CFAP58: variants seen among roughly 807,000 people sequenced by gnomAD.
CFAP58 encodes cilia- and flagella-associated protein 58.
Under a neutral mutation model 119.5 loss-of-function variants are expected in CFAP58, and 88 were observed. The ratio of observed to expected loss-of-function variants is 0.74; its 90% CI spans 0.62 to 0.88. CFAP58 has a LOEUF of 0.88. CFAP58 is among the 40% of genes least tolerant of loss of function. The pLI is 0.00. For synonymous variants in CFAP58, 365 were observed against 366.3 expected (o/e 1.00, Z 0.04); for missense variants, 990 against 1,021.2 (o/e 0.97, Z 0.42).
At position 104,366,000 on chromosome 10, in the gene CFAP58, G is replaced by T; in HGVS notation, c.784G>T (p.Glu262Ter). Reference protein sequence around the residue: ...ELQKLEQQLKEQKILNERAAK... With the variant: ...ELQKLEQQLK Reference sequence around the variant, plus strand: ...TCAGAAGCTGGAGCAGCAGCTGAAGGAGCAGAAGGTGAGTTGGGTGTGGGT... The same window carrying T: ...TCAGAAGCTGGAGCAGCAGCTGAAGTAGCAGAAGGTGAGTTGGGTGTGGGT... Residue 262 changes from glutamate (E) to a stop codon, truncating the protein, a stop_gained, in exon 5 of 18, where the codon GAG (glutamate) becomes TAG (stop). Transcript: ENST00000369704. LOFTEE classifies it high-confidence loss of function. 2 of 1,598,666 alleles carry T rather than the reference G, an allele frequency of 1.3e-6. No homozygotes were observed. Among genetic ancestry groups the T allele is most frequent in the South Asian group, 2.3e-5 (2 of 88,314 alleles).
At chr10:104,404,300 C>T (rs2012320269) in intron 14 of CFAP58, among the ~76,000 whole-genome samples, 1 of 152,190 alleles carries the variant, frequency 6.6e-6, no homozygotes, top group Non-Finnish European at 1.5e-5. Context: ...TTGCGTTAGC[C>T]AAGCCCTTTC....
intron 9 of CFAP58, among the ~76,000 whole-genome samples, chr10:104,386,018 T>C (rs367953636): frequency 1.8e-3 from 266 of 151,994 alleles, no homozygotes; most frequent in African/African-American, 6.1e-3. Flanking sequence ...GTGGTTATCT[T>C]TGGGTGATAA....
At chr10:104,350,167 T>G (rs2014443775), upstream of CFAP58, among the ~76,000 whole-genome samples, 1 of 152,252 alleles carries the variant, frequency 6.6e-6, no homozygotes, top group East Asian at 1.9e-4. Flanking sequence ...CAACTCCTTT[T>G]GTATTCTCTC....
intron 1 of CFAP58, among the ~76,000 whole-genome samples, chr10:104,356,320 T>A (rs2014542230): frequency 6.6e-6 from 1 of 152,234 alleles, no homozygotes; most frequent in South Asian, 2.1e-4. Context: ...TTTTCCATAT[T>A]GGGCAAGACG....
intron 11 of CFAP58, among the ~76,000 whole-genome samples, chr10:104,394,709 G>T (rs1277476531): frequency 6.6e-6 from 1 of 152,136 alleles, no homozygotes; most frequent in African/African-American, 2.4e-5. Flanking sequence ...TCTAGCTTAT[G>T]ACAGAAAAAG....
chr10:104,390,108 C>G (rs1400301082), intron 9 of CFAP58, among the ~76,000 whole-genome samples: 1 of 152,106 alleles, frequency 6.6e-6, no homozygotes, highest in East Asian at 1.9e-4. Context: ...TCTTTTGAGC[C>G]AGCTATTCTA....
chr10:104,439,973 C>T (rs1156556064), intron 15 of CFAP58, among the ~76,000 whole-genome samples: 3 of 152,162 alleles, frequency 2.0e-5, no homozygotes, highest in Non-Finnish European at 4.4e-5. Context: ...GCGCCCGCCA[C>T]CAGGCCCGGC....
chr10:104,394,605 C>T (rs1271316898), intron 11 of CFAP58, among the ~76,000 whole-genome samples: 1 of 152,082 alleles, frequency 6.6e-6, no homozygotes, highest in Non-Finnish European at 1.5e-5. Flanking sequence ...TAACTTAAAG[C>T]TCATTTTATT....
upstream of CFAP58, among the ~76,000 whole-genome samples, chr10:104,348,842 C>T (rs1315089938): frequency 1.3e-5 from 2 of 152,188 alleles, no homozygotes; most frequent in Non-Finnish European, 2.9e-5. Context: ...TACTTTAGAA[C>T]TCATTCAGTA....
At chr10:104,450,049 G>A (rs770060243) in intron 16 of CFAP58, 22 bp from the exon 17 acceptor site, 1 of 1,584,284 alleles carries the variant, frequency 6.3e-7, no homozygotes, top group Non-Finnish European at 8.5e-7. Flanking sequence ...TTTTGTTAAT[G>A]CTGCTTTATT....
intron 15 of CFAP58, among the ~76,000 whole-genome samples, chr10:104,446,705 T>C (rs1288538663): frequency 6.6e-6 from 1 of 152,232 alleles, no homozygotes; most frequent in African/African-American, 2.4e-5. Flanking sequence ...TCAATGTTTA[T>C]TCAAATTATT....
At chr10:104,415,938 A>G (rs1043460783) in intron 15 of CFAP58, among the ~76,000 whole-genome samples, 8 of 152,166 alleles carry the variant, frequency 5.3e-5, no homozygotes, top group Non-Finnish European at 1.2e-4. Context: ...TGCTTACTGT[A>G]TGCTAGGCAC....
At chr10:104,403,479 A>G (rs1391418907) in intron 13 of CFAP58, among the ~76,000 whole-genome samples, 2 of 150,664 alleles carry the variant, frequency 1.3e-5, no homozygotes, top group Non-Finnish European at 2.9e-5. Context: ...TTGAGTATCC[A>G]GAACCATGAC....
At chr10:104,378,899 T>C (rs1399810023) in intron 8 of CFAP58, among the ~76,000 whole-genome samples, 1 of 145,076 alleles carries the variant, frequency 6.9e-6, no homozygotes, top group Non-Finnish European at 1.5e-5. Flanking sequence ...GCATCAGAAA[T>C]CTCCAGTGCA....
chr10:104,346,992 G>T, the CFAP58 span, among the ~76,000 whole-genome samples: 1 of 151,984 alleles, frequency 6.6e-6, no homozygotes, highest in Non-Finnish European at 1.5e-5. Flanking sequence ...GTCCTTACCA[G>T]TCCTGAGTAG....
chr10:104,380,176 G>T lies in CFAP58; in HGVS notation c.1321G>T (p.Glu441Ter), dbSNP rs1266039707. The change falls in exon 9 of 18, where the codon GAG becomes TAG. Residue 441 changes from glutamate to a stop codon, truncating the protein, a stop_gained. Transcript: ENST00000369704. LOFTEE classifies it high-confidence loss of function. Reference sequence around the variant, plus strand: ...AAAGATCATCTTTCATCTGGAAAAGGAGCGTGACCGGTACATCAACCAAGC... The same window carrying T: ...AAAGATCATCTTTCATCTGGAAAAGTAGCGTGACCGGTACATCAACCAAGC... ...QRKIIFHLEK[E>*]RDRYINQASD... 6.2e-7 allele frequency: 1 copy of T among 1,614,108 alleles called. No individual in the cohort carries two copies. The highest frequency in any genetic ancestry group is 8.5e-7 in the Non-Finnish European group (1 of 1,180,006).
At position 104,378,199 on chromosome 10, in the gene CFAP58, C is replaced by T. The variant is rs577475444; in HGVS notation, c.1173+1306C>T. 1.1e-4 allele frequency among the ~76,000 whole-genome samples: 16 copies of T among 152,290 alleles called. No homozygotes were observed. In the East Asian group the frequency reaches 2.7e-3, roughly 26 times the overall value. ...ATGCAATGAACTTTAATTGATAATA[C>T]GTTATTTCCCCATTGACTCAGTTGA... is the stretch of plus-strand genomic sequence containing the variant. On this transcript the variant is annotated intron_variant, in intron 8 of 17. Transcript: ENST00000369704.
chr10:104,454,455 C>T lies in CFAP58; in HGVS notation c.2544C>T (p.Phe848=). 1 of 1,613,834 alleles carries T rather than the reference C, an allele frequency of 6.2e-7. No individual in the cohort carries two copies. Among genetic ancestry groups the T allele is most frequent in the Non-Finnish European group, 8.5e-7 (1 of 1,179,820 alleles). ...ACACAGCACCCATGGATAACACCTTCTTAATGGTCAAACCAAATGGTCCTG... is the reference window on the plus strand; with the variant it reads ...ACACAGCACCCATGGATAACACCTTTTTAATGGTCAAACCAAATGGTCCTG... The part of the protein sequence containing the change: ...NKDTAPMDNT[F]LMVKPNGPGF... The change falls in exon 18 of 18, where the codon TTC becomes TTT. Residue 848 remains phenylalanine (F), a synonymous_variant. Coordinates refer to ENST00000369704, the MANE Select transcript of CFAP58 (RefSeq NM_001008723.2).
chr10:104,354,020 T>G, intron 1 of CFAP58, 114 bp downstream of exon 1: 11 of 1,310,712 alleles, frequency 8.4e-6, no homozygotes, highest in Admixed American at 1.8e-5. Context: ...CAACATCTTA[T>G]TCCCCTGCAC....
Sources: allele counts gnomAD v4.1 joint callset (sites outside exome capture counted in the v4.1 genomes callset), GRCh38; gene constraint gnomAD v4.1.1; transcripts MANE v1.5; gene names NCBI Gene and HGNC (gene_info 2026-07-23, HGNC 2026-07-21).